The following CFAP77 variants were observed in gnomAD, a reference collection of about 807,000 sequenced individuals.
The protein encoded by CFAP77 is cilia- and flagella-associated protein 77.
In CFAP77, 25 loss-of-function variants were observed where a neutral mutation model predicts 31.1. The ratio of observed to expected loss-of-function variants is 0.80; its 90% confidence interval spans 0.59 to 1.12. CFAP77 has a LOEUF of 1.12. Ranked by LOEUF, CFAP77 falls within the 50% of genes most tolerant of loss-of-function variation. CFAP77 has a pLI of 0.00. For synonymous variants in CFAP77, 151 were observed against 159.9 expected (o/e 0.94, Z 0.42); for missense variants, 377 against 397.3 (o/e 0.95, Z 0.44).
intron 5 of CFAP77, among the ~76,000 whole-genome samples, chr9:132,571,883 ATTTT>A (rs35207512): frequency 1.4e-5 from 2 of 141,704 alleles, no homozygotes; most frequent in African/African-American, 2.6e-5. Context: ...TCTCCCTTGC[ATTTT>A]TTTTTTTTTT....
chr9:132,492,015 C>T (rs1299235151), intron 1 of CFAP77, among the ~76,000 whole-genome samples: 1 of 152,218 alleles, frequency 6.6e-6, no homozygotes, highest in African/African-American at 2.4e-5. Context: ...TTGCCAGGCA[C>T]AGTGGCTCAT....
chr9:132,457,679 T>C (rs1315176210), intron 1 of CFAP77, among the ~76,000 whole-genome samples: 1 of 152,220 alleles, frequency 6.6e-6, no homozygotes, highest in Admixed American at 6.5e-5. Context: ...ACGCGTGCCA[T>C]CGGGGCAGGG....
At chr9:132,482,140 G>A (rs1851458289) in intron 1 of CFAP77, among the ~76,000 whole-genome samples, 2 of 151,990 alleles carry the variant, frequency 1.3e-5, no homozygotes, top group South Asian at 2.1e-4. Context: ...GTTTTGAAAA[G>A]TACATAGATC....
chr9:132,444,606 G>C (rs988139821), intron 1 of CFAP77, among the ~76,000 whole-genome samples: 2 of 152,146 alleles, frequency 1.3e-5, no homozygotes, highest in African/African-American at 4.8e-5. Context: ...AGGGTGGCTG[G>C]GTCTTGGCTG....
intron 3 of CFAP77, among the ~76,000 whole-genome samples, chr9:132,523,486 G>C (rs1381134797): frequency 6.6e-6 from 1 of 152,170 alleles, no homozygotes; most frequent in East Asian, 1.9e-4. Flanking sequence ...GTGTCTCAGG[G>C]ATCTCTCTGG....
At position 132,469,394 on chromosome 9, in the gene CFAP77, C is replaced by T. The variant is rs148513382; in HGVS notation, c.196-29301C>T. Reference sequence around the variant, plus strand: ...TTAATTTAAATGCTTCATAAATTATCTCCTGTGCGTGTGGATTATCACTTC... The same window carrying T: ...TTAATTTAAATGCTTCATAAATTATTTCCTGTGCGTGTGGATTATCACTTC... On this transcript the variant is annotated intron_variant, in intron 1 of 5. Transcript: ENST00000393216. Among the ~76,000 whole-genome samples, 235 of 152,334 alleles carry T rather than the reference C, an allele frequency of 1.5e-3. 1 individual carries two copies. Among genetic ancestry groups the T allele is most frequent in the Non-Finnish European group, 2.5e-3 (170 of 68,038 alleles).
chr9:132,510,538 A>G (rs924289619), intron 3 of CFAP77, among the ~76,000 whole-genome samples: 1 of 152,218 alleles, frequency 6.6e-6, no homozygotes, highest in African/African-American at 2.4e-5. Context: ...CATCAAGCCC[A>G]ACACATCAGC....
At chr9:132,482,515 C>T (rs1314983464) in intron 1 of CFAP77, 8 of 842,278 alleles carry the variant, frequency 9.5e-6, no homozygotes, top group South Asian at 2.8e-5. Flanking sequence ...GCTGGGCACC[C>T]GTGGCGCTTC....
chr9:132,544,161 C>A (rs971340052), intron 5 of CFAP77, among the ~76,000 whole-genome samples: 7 of 152,262 alleles, frequency 4.6e-5, no homozygotes, highest in Admixed American at 1.3e-4. Context: ...GCTCTGCCCC[C>A]CCTTGACGCG....
chr9:132,525,256 G>A (rs1852338441), intron 3 of CFAP77, among the ~76,000 whole-genome samples: 1 of 151,896 alleles, frequency 6.6e-6, no homozygotes, highest in Non-Finnish European at 1.5e-5. Flanking sequence ...CTGACATCAA[G>A]TGATCCACCC....
chr9:132,516,590 TACACACACACACACACAC>T (rs34683089), intron 3 of CFAP77, among the ~76,000 whole-genome samples: 4 of 144,940 alleles, frequency 2.8e-5, no homozygotes, highest in Non-Finnish European at 6.1e-5. Context: ...CACACAGAAA[TACACACACACACACACAC>T]ACACACACAC....
At chr9:132,505,343 C>T (rs1851914898) in intron 3 of CFAP77, among the ~76,000 whole-genome samples, 1 of 152,228 alleles carries the variant, frequency 6.6e-6, no homozygotes, top group African/African-American at 2.4e-5. Context: ...TATTCAATTA[C>T]TTCCTTCCCA....
At chr9:132,540,813 G>T (rs994415171) in intron 4 of CFAP77, among the ~76,000 whole-genome samples, 1 of 152,146 alleles carries the variant, frequency 6.6e-6, no homozygotes, top group Non-Finnish European at 1.5e-5. Context: ...AATGAGGGTC[G>T]CATAACCTGC....
intron 5 of CFAP77, among the ~76,000 whole-genome samples, chr9:132,568,556 CA>C (rs34754814): frequency 0.25 from 22,207 of 90,010 alleles, 1,635 homozygotes; most frequent in East Asian, 0.41. Flanking sequence ...AACTCCGCCT[CA>C]AAAAAAAAAA....
intron 1 of CFAP77, among the ~76,000 whole-genome samples, chr9:132,417,067 G>T (rs1564196722): frequency 6.6e-6 from 1 of 151,902 alleles, no homozygotes; most frequent in Non-Finnish European, 1.5e-5. Context: ...CAGTATAAAT[G>T]AGGAGGGCTG....
intron 1 of CFAP77, among the ~76,000 whole-genome samples, chr9:132,412,622 TTTTTTTTG>T (rs1850028336): frequency 6.6e-6 from 1 of 151,722 alleles, no homozygotes; most frequent in Admixed American, 6.6e-5. Flanking sequence ...TTGTGCTTTT[TTTTTTTTG>T]TTTGTTTGTT....
At chr9:132,553,175 A>G (rs1043629570) in intron 5 of CFAP77, among the ~76,000 whole-genome samples, 21 of 152,108 alleles carry the variant, frequency 1.4e-4, no homozygotes, top group African/African-American at 5.1e-4. Context: ...GGAAGCACAC[A>G]CTCTGGTGTC....
chr9:132,559,939 A>C (rs1019817456), intron 5 of CFAP77, among the ~76,000 whole-genome samples: 1 of 152,208 alleles, frequency 6.6e-6, no homozygotes, highest in African/African-American at 2.4e-5. Context: ...AAGACCTCAC[A>C]TTGTATAATT....
intron 1 of CFAP77, among the ~76,000 whole-genome samples, chr9:132,486,344 G>A (rs1851558722): frequency 6.6e-6 from 1 of 151,028 alleles, no homozygotes; most frequent in South Asian, 2.1e-4. Flanking sequence ...CGCCCGCCTC[G>A]GCCTCCCAAA....
Sources: allele counts gnomAD v4.1 joint callset (sites outside exome capture counted in the v4.1 genomes callset), GRCh38; gene constraint gnomAD v4.1.1; transcripts MANE v1.5; gene names NCBI Gene and HGNC (gene_info 2026-07-23, HGNC 2026-07-21).